Variants in SEM1 observed in about 807,000 individuals in gnomAD.
The protein encoded by SEM1 is SEM1 26S proteasome subunit.
In SEM1, 3 loss-of-function variants were observed where a neutral mutation model predicts 12.7. The observed-to-expected ratio is 0.24, with a 90% CI of 0.11 to 0.61. The LOEUF (loss-of-function observed/expected upper bound fraction) is 0.61, where lower values mean the gene tolerates loss of function less well. Ranked by LOEUF, SEM1 falls within the 20% of genes least tolerant of loss-of-function variation. SEM1 has a pLI of 0.88. For synonymous variants in SEM1, 30 were observed against 27.8 expected (o/e 1.08, Z -0.25); for missense variants, 59 against 81.3 (o/e 0.73, Z 1.06).
downstream of SEM1, chr7:96,688,758 A>T: frequency 3.5e-6 from 2 of 563,720 alleles, no homozygotes; most frequent in Non-Finnish European, 6.2e-6. Context: ...CTTCTGAACC[A>T]AACCAAGATT....
At chr7:96,578,150 C>G (rs979751517) in intron 2 of SEM1, among the ~76,000 whole-genome samples, 1 of 152,008 alleles carries the variant, frequency 6.6e-6, no homozygotes, top group Middle Eastern at 3.2e-3. Context: ...TAACAAATCT[C>G]TAATCAAATT....
chr7:96,551,276 T>C (rs1017748984), intron 2 of SEM1, among the ~76,000 whole-genome samples: 1 of 152,142 alleles, frequency 6.6e-6, no homozygotes, highest in African/African-American at 2.4e-5. Flanking sequence ...CCCCTAAAGA[T>C]ATGTTCACCC....
chr7:96,575,656 T>A (rs4729268), intron 2 of SEM1, among the ~76,000 whole-genome samples: 145,987 of 152,308 alleles, frequency 0.96, 70,174 homozygotes, highest in Non-Finnish European at 0.99. Context: ...TCTTTCAGAG[T>A]TGCCCTGCCC....
At chr7:96,695,758 A>G (rs1490999178) in intron 1 of SEM1, 1 of 152,008 alleles carries the variant, frequency 6.6e-6, no homozygotes, top group Non-Finnish European at 1.5e-5. Context: ...GACAACAAGC[A>G]GATTCTACTC....
downstream of SEM1, among the ~76,000 whole-genome samples, chr7:96,621,005 T>C (rs1807875677): frequency 6.6e-6 from 1 of 152,198 alleles, no homozygotes; most frequent in African/African-American, 2.4e-5. Context: ...GGACGCCCTC[T>C]GAGGTCTGCC....
At chr7:96,593,074 T>G (rs1806883402) in intron 2 of SEM1, among the ~76,000 whole-genome samples, 1 of 151,388 alleles carries the variant, frequency 6.6e-6, no homozygotes, top group African/African-American at 2.4e-5. Flanking sequence ...ATTCAAATTG[T>G]CCATTCCTGG....
At chr7:96,503,961 A>G (rs1803660197) in intron 3 of SEM1, among the ~76,000 whole-genome samples, 1 of 152,204 alleles carries the variant, frequency 6.6e-6, no homozygotes, top group Non-Finnish European at 1.5e-5. Context: ...CTCACTTCCT[A>G]TTGGGTTGGC....
At chr7:96,535,350 G>T (rs956769023) in intron 2 of SEM1, among the ~76,000 whole-genome samples, 1 of 151,716 alleles carries the variant, frequency 6.6e-6, no homozygotes, top group Admixed American at 6.6e-5. Context: ...GGTTAACTTT[G>T]TGTTTTTTTC....
intron 2 of SEM1, among the ~76,000 whole-genome samples, chr7:96,555,112 CG>C: frequency 6.6e-6 from 1 of 150,940 alleles, no homozygotes; most frequent in East Asian, 2.0e-4. Flanking sequence ...GTCTTGCTAG[CG>C]ATCTATCAAT....
chr7:96,620,125 G>C (rs1398437359), downstream of SEM1, among the ~76,000 whole-genome samples: 2 of 152,110 alleles, frequency 1.3e-5, no homozygotes, highest in Non-Finnish European at 2.9e-5. Context: ...CCTGAACTTA[G>C]CCTGAGGGCA....
At chr7:96,578,657 GA>G (rs1206714358) in intron 2 of SEM1, among the ~76,000 whole-genome samples, 2 of 152,188 alleles carry the variant, frequency 1.3e-5, no homozygotes, top group African/African-American at 2.4e-5. Context: ...AAAGATATGG[GA>G]AAATCTGTAT....
At chr7:96,558,538 T>G (rs1805599642) in intron 2 of SEM1, among the ~76,000 whole-genome samples, 2 of 151,882 alleles carry the variant, frequency 1.3e-5, no homozygotes, top group Non-Finnish European at 2.9e-5. Context: ...GGAGCTGCAG[T>G]AAAGTTAAAG....
intron 2 of SEM1, among the ~76,000 whole-genome samples, chr7:96,665,628 A>T (rs1353333378): frequency 6.6e-6 from 1 of 152,226 alleles, no homozygotes; most frequent in Non-Finnish European, 1.5e-5. Flanking sequence ...CCTAAACAAG[A>T]GAAAAATATT....
intron 3 of SEM1, among the ~76,000 whole-genome samples, chr7:96,505,305 T>C (rs536597032): frequency 3.3e-4 from 50 of 152,114 alleles, no homozygotes; most frequent in Admixed American, 7.9e-4. Context: ...GGTTTCACCA[T>C]GTTGGCCAGG....
chr7:96,690,170 T>C (rs1432026989), intron 2 of SEM1, among the ~76,000 whole-genome samples: 5 of 152,166 alleles, frequency 3.3e-5, no homozygotes, highest in Admixed American at 2.6e-4. Context: ...TATAATTTAT[T>C]TAAAATAAAA....
chr7:96,496,181 A>C (rs1441459914), intron 1 of SEM1: 15 of 687,758 alleles, frequency 2.2e-5, no homozygotes, highest in Non-Finnish European at 7.2e-6. Context: ...AACTCGTTAG[A>C]TAGTTAAAAT....
intron 2 of SEM1, among the ~76,000 whole-genome samples, chr7:96,538,684 C>T (rs144273096): frequency 1.3e-5 from 2 of 151,842 alleles, no homozygotes; most frequent in Non-Finnish European, 2.9e-5. Context: ...CAATATACTC[C>T]CATTGTTTAG....
intron 2 of SEM1, among the ~76,000 whole-genome samples, chr7:96,674,973 C>A (rs1302147202): frequency 6.6e-6 from 1 of 152,178 alleles, no homozygotes; most frequent in Non-Finnish European, 1.5e-5. Context: ...ACATGGAAGG[C>A]TTTGGATCTT....
chr7:96,599,611 G>C (rs553992136), intron 2 of SEM1, among the ~76,000 whole-genome samples: 2 of 152,250 alleles, frequency 1.3e-5, no homozygotes, highest in African/African-American at 4.8e-5. Context: ...TTCTGACAAT[G>C]CTTCCTTTCT....
Sources: allele counts gnomAD v4.1 joint callset (sites outside exome capture counted in the v4.1 genomes callset), GRCh38; gene constraint gnomAD v4.1.1; transcripts MANE v1.5; gene names NCBI Gene and HGNC (gene_info 2026-07-23, HGNC 2026-07-21).